Variants in TMEM30A observed in about 807,000 individuals in gnomAD.
The protein encoded by TMEM30A is cell cycle control protein 50A.
In TMEM30A, 24 loss-of-function variants were observed where a neutral mutation model predicts 38.2. That is an observed-to-expected ratio of 0.63 (90% CI 0.46 to 0.88). The LOEUF (loss-of-function observed/expected upper bound fraction) is 0.88, where lower values mean the gene tolerates loss of function less well. TMEM30A is among the 40% of genes least tolerant of loss of function. The probability of loss-of-function intolerance (pLI) is 0.00; values close to 1 mark genes in which losing one functional copy is unlikely to be tolerated. For missense variants in TMEM30A, 370 were observed against 458.6 expected, an observed-to-expected ratio of 0.81 and a Z score of 1.77; for synonymous variants, 145 against 161.6, an observed-to-expected ratio of 0.90 and a Z score of 0.78.
intron 1 of TMEM30A, among the ~76,000 whole-genome samples, chr6:75,277,748 A>G (rs1451099575): frequency 6.6e-6 from 1 of 152,100 alleles, no homozygotes; most frequent in African/African-American, 2.4e-5. Context: ...TCTAGCAAAA[A>G]TTTAAAAATT....
chr6:75,265,313 A>G lies in TMEM30A; in HGVS notation c.371T>C (p.Leu124Pro). ...FEGNVFMYYG[L>P]SNFYQNHRRY... ...ACGATGGTTTTGATAGAAATTAGAC[A>G]GTCCATAATACATAAACACGTTGCC... The change falls in exon 3 of 7, where the codon CTG (leucine) becomes CCG (proline). Residue 124 changes from leucine to proline, a missense_variant. Coordinates refer to ENST00000230461, the MANE Select transcript of TMEM30A (RefSeq NM_018247.4). 6.2e-7 allele frequency: 1 copy of G among 1,608,338 alleles called. No homozygotes were observed. Among genetic ancestry groups the G allele is most frequent in the Non-Finnish European group, 8.5e-7 (1 of 1,177,492 alleles).
At chr6:75,275,372 T>A (rs1320794651) in intron 1 of TMEM30A, among the ~76,000 whole-genome samples, 1 of 152,232 alleles carries the variant, frequency 6.6e-6, no homozygotes, top group Non-Finnish European at 1.5e-5. Context: ...CCCCTTGAAC[T>A]CTATATTTGT....
At chr6:75,274,011 C>T (rs1464670011) in intron 1 of TMEM30A, among the ~76,000 whole-genome samples, 1 of 152,068 alleles carries the variant, frequency 6.6e-6, no homozygotes, top group East Asian at 1.9e-4. Context: ...AATTTACAGA[C>T]AAGTGGGATA....
intron 1 of TMEM30A, among the ~76,000 whole-genome samples, chr6:75,273,900 G>C (rs1772216236): frequency 6.6e-6 from 1 of 152,334 alleles, no homozygotes; most frequent in South Asian, 2.1e-4. Flanking sequence ...TACTGACTGA[G>C]TTTCATTCAC....
intron 1 of TMEM30A, among the ~76,000 whole-genome samples, chr6:75,273,618 G>C (rs915823556): frequency 1.3e-5 from 2 of 152,094 alleles, no homozygotes; most frequent in Non-Finnish European, 2.9e-5. Context: ...CCCTGACTGG[G>C]GGCTTGGAAC....
chr6:75,268,787 A>G (rs1255684531), intron 1 of TMEM30A, among the ~76,000 whole-genome samples: 1 of 152,108 alleles, frequency 6.6e-6, no homozygotes, highest in African/African-American at 2.4e-5. Context: ...GCCAGTTGAC[A>G]AGAAGTATGA....
Position 75,284,783 on chromosome 6 carries a change from A to G in TMEM30A, c.-145T>C. On this transcript the variant is annotated 5_prime_UTR_variant, in exon 1 of 7. Coordinates refer to ENST00000230461, the MANE Select transcript of TMEM30A (RefSeq NM_018247.4). ...ACCGCCACAGCCACCTCCGCTGTAGAGCGGAAGAGGCGGGACACTCTTCCG... is the reference window on the plus strand; with the variant it reads ...ACCGCCACAGCCACCTCCGCTGTAGGGCGGAAGAGGCGGGACACTCTTCCG... 1.3e-6 allele frequency: 1 copy of G among 768,582 alleles called. No individual in the cohort carries two copies. The highest frequency in any genetic ancestry group is 2.2e-6 in the Non-Finnish European group (1 of 456,186). The allele number at this position is 768,582 out of a possible 1,614,324, so 47.6% of individuals were successfully genotyped here.
rs1344049014 is a variant in TMEM30A, at chr6:75,271,578, A to T, written c.238-3830T>A. Among the ~76,000 whole-genome samples the T allele has an allele frequency of 3.3e-5, 5 of 152,240 alleles. No individual in the cohort carries two copies. In the East Asian group the frequency reaches 9.6e-4, roughly 29 times the overall value. On this transcript the variant is annotated intron_variant, in intron 1 of 6. Transcript: ENST00000230461. ...ACACAAAAGCAATCATACGTTATAC[A>T]GTTTACACAGCCTGTTCCTTCACAT...
intron 1 of TMEM30A, among the ~76,000 whole-genome samples, chr6:75,278,708 C>G (rs1430994539): frequency 2.0e-5 from 3 of 152,196 alleles, no homozygotes; most frequent in Non-Finnish European, 4.4e-5. Context: ...CAACCCACTC[C>G]TAACTGATAG....
At chr6:75,256,765 A>G in intron 6 of TMEM30A, 1 of 486,050 alleles carries the variant, frequency 2.1e-6, no homozygotes, top group Non-Finnish European at 4.1e-6. Context: ...TGAGCAAAAG[A>G]TCAAAAAGCA....
chr6:75,271,792 C>A (rs570663511), intron 1 of TMEM30A, among the ~76,000 whole-genome samples: 1 of 152,204 alleles, frequency 6.6e-6, no homozygotes, highest in East Asian at 1.9e-4. Context: ...AATAGTCAGT[C>A]CCCTTTGCCC....
chr6:75,274,660 G>T (rs916985151), intron 1 of TMEM30A, among the ~76,000 whole-genome samples: 3 of 152,204 alleles, frequency 2.0e-5, no homozygotes, highest in Admixed American at 2.0e-4. Flanking sequence ...TTTCTGGCAT[G>T]AAAAACCCTA....
chr6:75,279,123 G>C (rs144446809), intron 1 of TMEM30A, among the ~76,000 whole-genome samples: 4 of 152,058 alleles, frequency 2.6e-5, no homozygotes, highest in Admixed American at 2.6e-4. Context: ...AGGTGTGTGG[G>C]GGGGTGGGCA....
At chr6:75,277,400 A>G (rs1390662068) in intron 1 of TMEM30A, among the ~76,000 whole-genome samples, 1 of 152,018 alleles carries the variant, frequency 6.6e-6, no homozygotes, top group African/African-American at 2.4e-5. Flanking sequence ...CTCTTAGCAG[A>G]GTATACTCTC....
chr6:75,283,753 C>T (rs914719067), intron 1 of TMEM30A, among the ~76,000 whole-genome samples: 1 of 152,070 alleles, frequency 6.6e-6, no homozygotes, highest in Non-Finnish European at 1.5e-5. Context: ...ATTGAAGTTT[C>T]AGGTTATCTT....
At chr6:75,278,543 C>A (rs1275987950) in intron 1 of TMEM30A, among the ~76,000 whole-genome samples, 1 of 152,142 alleles carries the variant, frequency 6.6e-6, no homozygotes, top group East Asian at 1.9e-4. Flanking sequence ...AGCTTCCATG[C>A]CGAACTGTAA....
chr6:75,267,957 G>C (rs1264561400), intron 1 of TMEM30A, among the ~76,000 whole-genome samples: 1 of 152,120 alleles, frequency 6.6e-6, no homozygotes, highest in African/African-American at 2.4e-5. Context: ...ATCTTTCCAA[G>C]TAAAGTCCTC....
At position 75,258,927 on chromosome 6, in the gene TMEM30A, T is replaced by C; in HGVS notation, c.745A>G (p.Asn249Asp). 2 of 1,613,924 alleles carry C rather than the reference T, an allele frequency of 1.2e-6. No individual in the cohort carries two copies. The highest frequency in any genetic ancestry group is 2.2e-5 in the South Asian group (2 of 91,076). The change falls in exon 6 of 7, where the codon AAT becomes GAT. Residue 249 changes from asparagine to aspartate, a missense_variant. Asn to Asp is a conservative substitution (Grantham distance 23). Transcript: ENST00000230461. ...PVYMLDSDPD[N>D]NGFINEDFIV... ...AAATCCTCATTTATGAATCCATTAT[T>C]ATCTGGGTCAGAATCCAGCATGTAA...
At chr6:75,284,364 G>A (rs1034473965) in intron 1 of TMEM30A, 38 bp downstream of exon 1, 2 of 1,595,896 alleles carry the variant, frequency 1.3e-6, no homozygotes, top group African/African-American at 1.3e-5. Context: ...CCCTCCTCCC[G>A]AGCAACGCCA....
Sources: allele counts gnomAD v4.1 joint callset (sites outside exome capture counted in the v4.1 genomes callset), GRCh38; gene constraint gnomAD v4.1.1; transcripts MANE v1.5; gene names NCBI Gene and HGNC (gene_info 2026-07-23, HGNC 2026-07-21).